Variants in NOVA2 observed in about 807,000 individuals in gnomAD.
NOVA2 encodes NOVA alternative splicing regulator 2.
NOVA2 carries 9 observed loss-of-function variants against 22.5 expected under a neutral mutation model. That is an observed-to-expected ratio of 0.40 (90% CI 0.24 to 0.70). The LOEUF (loss-of-function observed/expected upper bound fraction) is 0.70. NOVA2 is among the 30% of genes least tolerant of loss of function. The pLI, the probability that NOVA2 is intolerant of heterozygous loss-of-function variation, is 0.38. For synonymous variants in NOVA2, 318 were observed against 335.2 expected (o/e 0.95, Z 0.56); for missense variants, 383 against 682.8 (o/e 0.56, Z 4.89).
chr19:45,949,861 C>T (rs893771761), intron 3 of NOVA2, among the ~76,000 whole-genome samples: 1 of 151,638 alleles, frequency 6.6e-6, no homozygotes, highest in Non-Finnish European at 1.5e-5. Flanking sequence ...CTGCCTCAGC[C>T]GCTGGGGTAG....
intron 3 of NOVA2, among the ~76,000 whole-genome samples, chr19:45,941,309 A>AATATATATATATATATATATATATAT (rs4039577): frequency 3.9e-5 from 5 of 129,800 alleles, no homozygotes; most frequent in African/African-American, 1.2e-4. Context: ...AAAATAAAAT[A>AATATATATATATATATATATATATAT]ATATATATAT....
In NOVA2 at chr19:45,938,754, G is replaced by A. The variant is rs988923441; in HGVS notation, c.*1109C>T. 6.6e-6 allele frequency: 1 copy of A among 152,186 alleles called. No homozygotes were observed. The highest frequency in any genetic ancestry group is 1.5e-5 in the Non-Finnish European group (1 of 68,036). The allele number at this position is 152,186 out of a possible 1,614,324, so 9.4% of individuals were successfully genotyped here. A position where few individuals can be genotyped will look rare whatever the true frequency, so the allele number is the denominator to read the frequency against. Reference sequence around the variant, plus strand: ...ATTCTCTTCCTAGGAAGACCCCCAGGCCAACACCCACCAAAGAAGGGTGTG... The same window carrying A: ...ATTCTCTTCCTAGGAAGACCCCCAGACCAACACCCACCAAAGAAGGGTGTG... On this transcript the variant is annotated 3_prime_UTR_variant, in exon 4 of 4. Coordinates refer to ENST00000263257, the MANE Select transcript of NOVA2 (RefSeq NM_002516.4).
rs538519265 is a variant in NOVA2 at position 45,935,865 on chromosome 19, T to C, written c.*3998A>G. Reference sequence around the variant, plus strand: ...GGGGAGAGGAAATACACCTCGGAGATAAGCGACACCCTGGTGTTCCAAGTA... The same window carrying C: ...GGGGAGAGGAAATACACCTCGGAGACAAGCGACACCCTGGTGTTCCAAGTA... On this transcript the variant is annotated 3_prime_UTR_variant, in exon 4 of 4. Transcript: ENST00000263257. The C allele has an allele frequency of 6.6e-6, 1 of 152,284 alleles. No homozygotes were observed. Among genetic ancestry groups the C allele is most frequent in the South Asian group, 2.1e-4 (1 of 4,822 alleles). 9.4% of individuals were successfully genotyped at this position (152,284 alleles called of 1,614,324 possible).
rs1402294818 is a variant in NOVA2, at chr19:45,934,160, A to T, written c.*5703T>A. ...ACTGGGGAGAACCAAGGGACCTTAG[A>T]GGTCCTCCAGTCCTCCCCATATTCC... is the stretch of plus-strand genomic sequence containing the variant. On this transcript the variant is annotated 3_prime_UTR_variant, in exon 4 of 4. Coordinates refer to ENST00000263257, the MANE Select transcript of NOVA2 (RefSeq NM_002516.4). The T allele has an allele frequency of 6.6e-6, 1 of 152,180 alleles. No homozygotes were observed. Among genetic ancestry groups the T allele is most frequent in the Non-Finnish European group, 1.5e-5 (1 of 68,060 alleles). The allele number at this position is 152,180 out of a possible 1,614,324, so 9.4% of individuals were successfully genotyped here. A position where few individuals can be genotyped will look rare whatever the true frequency, so the allele number is the denominator to read the frequency against.
At chr19:45,962,845 G>A (rs978617620) in intron 1 of NOVA2, among the ~76,000 whole-genome samples, 6 of 151,844 alleles carry the variant, frequency 4.0e-5, no homozygotes, top group Non-Finnish European at 8.8e-5. Context: ...ACGGGGTTTC[G>A]CCATGTTGGT....
At chr19:45,954,957 C>A (rs185750483) in intron 2 of NOVA2, among the ~76,000 whole-genome samples, 49 of 150,682 alleles carry the variant, frequency 3.3e-4, no homozygotes, top group African/African-American at 1.1e-3. Flanking sequence ...GCAGAGACTG[C>A]CTTATGAACA....
In NOVA2 at chr19:45,936,954, C is replaced by A. The variant is rs529457317; in HGVS notation, c.*2909G>T. On this transcript the variant is annotated 3_prime_UTR_variant, in exon 4 of 4. Coordinates refer to ENST00000263257, the MANE Select transcript of NOVA2 (RefSeq NM_002516.4). ...ATCCCTGACCCCACATCTGTGTCCC[C>A]TCTGGACAAACTGCAGCACAAAAGA... 1 of 152,274 alleles carries A rather than the reference C, an allele frequency of 6.6e-6. No individual in the cohort carries two copies. Among genetic ancestry groups the A allele is most frequent in the African/African-American group, 2.4e-5 (1 of 41,542 alleles). 9.4% of individuals were successfully genotyped at this position (152,274 alleles called of 1,614,324 possible).
At position 45,940,069 on chromosome 19, in the gene NOVA2, C is replaced by G. The variant is rs1246431799; in HGVS notation, c.1273G>C (p.Gly425Arg). ...TGGTACTCCACCAACGTCTTGCCCCCCTTCCCCAGGATGGCTCCCACCAGG... is the reference window on the plus strand; with the variant it reads ...TGGTACTCCACCAACGTCTTGCCCCGCTTCCCCAGGATGGCTCCCACCAGG... ...ENLVGAILGKGGKTLVEYQEL... is the reference protein window; with the variant it reads ...ENLVGAILGKRGKTLVEYQEL... Residue 425 changes from glycine to arginine, a missense_variant, in exon 4 of 4, where the codon GGG becomes CGG. Coordinates refer to ENST00000263257, the MANE Select transcript of NOVA2 (RefSeq NM_002516.4). 9 of 1,614,014 alleles carry G rather than the reference C, an allele frequency of 5.6e-6. No individual in the cohort carries two copies. The highest frequency in any genetic ancestry group is 6.8e-6 in the Non-Finnish European group (8 of 1,179,952).
rs199778876 is a variant in NOVA2 at position 45,958,531 on chromosome 19, G to A, written c.229+2479C>T. ...TAAGCATGTGTGACAATGTGTGACA[G>A]TGTGTGTGACTGTGTGTAAGCGTGT... On this transcript the variant is annotated intron_variant, in intron 2 of 3. Transcript: ENST00000263257. Among the ~76,000 whole-genome samples, 8 of 132,678 alleles carry A rather than the reference G, an allele frequency of 6.0e-5. No individual in the cohort carries two copies. The South Asian group carries it at 1.2e-3, about 20-fold the overall frequency. The allele number at this position is 132,678 out of a possible 152,430, so 87.0% of individuals were successfully genotyped here. A position where few individuals can be genotyped will look rare whatever the true frequency, so the allele number is the denominator to read the frequency against.
At chr19:45,965,779 GCAAGTCT>G (rs1365758351) in intron 1 of NOVA2, among the ~76,000 whole-genome samples, 5 of 152,190 alleles carry the variant, frequency 3.3e-5, no homozygotes, top group Non-Finnish European at 7.3e-5. Context: ...ATGCCCTTGG[GCAAGTCT>G]CCTCACCTCT....
chr19:45,973,016 C>T (rs1289793294), intron 1 of NOVA2, among the ~76,000 whole-genome samples: 1 of 140,268 alleles, frequency 7.1e-6, no homozygotes, highest in East Asian at 2.4e-4. Flanking sequence ...ATCTTCTGCG[C>T]CCCCCAAGGA....
chr19:45,948,565 A>G (rs1444759927), intron 3 of NOVA2, among the ~76,000 whole-genome samples: 2 of 148,748 alleles, frequency 1.3e-5, no homozygotes, highest in African/African-American at 5.0e-5. Context: ...GCGCCATTGC[A>G]CTCCAGCCTG....
chr19:45,940,916 C>G lies in NOVA2; in HGVS notation c.426G>C (p.Ala142=). The change falls in exon 4 of 4, where the codon GCG becomes GCC. Residue 142 remains alanine (A), a synonymous_variant. Transcript: ENST00000263257. Reference sequence around the variant, plus strand: ...CGCCTCCCTTGCCGATGATCAGGCCCGCCGTGCTGTTGGGGACGATCAGCT... The same window carrying G: ...CGCCTCCCTTGCCGATGATCAGGCCGGCCGTGCTGTTGGGGACGATCAGCT... The part of the protein sequence containing the change: ...QAKLIVPNST[A]GLIIGKGGAT... 1 of 1,604,584 alleles carries G rather than the reference C, an allele frequency of 6.2e-7. No homozygotes were observed. The highest frequency in any genetic ancestry group is 8.5e-7 in the Non-Finnish European group (1 of 1,179,796).
rs1967699259 is a variant in NOVA2, at chr19:45,938,996, G to C, written c.*867C>G. 6.6e-6 allele frequency: 1 copy of C among 152,202 alleles called. No homozygotes were observed. The highest frequency in any genetic ancestry group is 1.5e-5 in the Non-Finnish European group (1 of 68,044). The allele number at this position is 152,202 out of a possible 1,614,324, so 9.4% of individuals were successfully genotyped here. A position where few individuals can be genotyped will look rare whatever the true frequency, so the allele number is the denominator to read the frequency against. On this transcript the variant is annotated 3_prime_UTR_variant, in exon 4 of 4. Transcript: ENST00000263257. ...AGTAACCTCTGAGGAACTGCTTCCT[G>C]TGACATCATAAGGGGTGCCCAGAAG... is the stretch of plus-strand genomic sequence containing the variant.
intron 2 of NOVA2, among the ~76,000 whole-genome samples, chr19:45,957,047 A>C (rs541826082): frequency 2.4e-4 from 36 of 152,350 alleles, no homozygotes; most frequent in African/African-American, 8.7e-4. Context: ...AAGAATATGA[A>C]TGTATTAAGT....
intron 3 of NOVA2, among the ~76,000 whole-genome samples, chr19:45,950,657 T>G (rs1307785450): frequency 1.3e-5 from 2 of 152,176 alleles, no homozygotes. Flanking sequence ...AATACATGCT[T>G]AGAATCTTGG....
chr19:45,940,325 G>A lies in NOVA2; in HGVS notation c.1017C>T (p.Ala339=), dbSNP rs1386622484. The change falls in exon 4 of 4, where the codon GCC becomes GCT. Residue 339 remains alanine (A), a synonymous_variant. Transcript: ENST00000263257. The part of the protein sequence containing the change: ...SYAGEAGAGP[A]GGAAPPPPPP... ...GGGGCGGCGGCGGGGCGGCCCCTCCGGCTGGCCCGGCCCCGGCCTCGCCCG... is the reference window on the plus strand; with the variant it reads ...GGGGCGGCGGCGGGGCGGCCCCTCCAGCTGGCCCGGCCCCGGCCTCGCCCG... The A allele has an allele frequency of 2.6e-6, 3 of 1,171,932 alleles. No individual in the cohort carries two copies. The highest frequency in any genetic ancestry group is 3.3e-5 in the African/African-American group (2 of 60,986). 72.6% of individuals were successfully genotyped at this position (1,171,932 alleles called of 1,614,324 possible).
Position 45,940,799 on chromosome 19 carries a change from C to A in NOVA2, c.543G>T (p.Thr181=). 1 of 1,606,800 alleles carries A rather than the reference C, an allele frequency of 6.2e-7. No individual in the cohort carries two copies. The highest frequency in any genetic ancestry group is 8.5e-7 in the Non-Finnish European group (1 of 1,179,916). The change falls in exon 4 of 4, where the codon ACG becomes ACT. Residue 181 remains threonine, a synonymous_variant. Coordinates refer to ENST00000263257, the MANE Select transcript of NOVA2 (RefSeq NM_002516.4). ...EGINLQERVV[T]VSGEPEQVHK... ...GCACCTGCTCGGGCTCGCCGCTGAC[C>A]GTCACCACGCGCTCCTGCAGGTTGA... is the stretch of plus-strand genomic sequence containing the variant.
intron 3 of NOVA2, among the ~76,000 whole-genome samples, chr19:45,949,173 G>A (rs897351876): frequency 6.6e-6 from 1 of 152,046 alleles, no homozygotes; most frequent in Non-Finnish European, 1.5e-5. Context: ...ATGGGCACAA[G>A]GTTTCTTTTT....
Sources: allele counts gnomAD v4.1 joint callset (sites outside exome capture counted in the v4.1 genomes callset), GRCh38; gene constraint gnomAD v4.1.1; transcripts MANE v1.5; gene names NCBI Gene and HGNC (gene_info 2026-07-23, HGNC 2026-07-21).